The following RAPGEF5 variants were observed in gnomAD, a reference collection of about 807,000 sequenced individuals.
RAPGEF5 encodes M-Ras-regulated GEF.
A neutral mutation model predicts 125.2 loss-of-function variants in RAPGEF5; 65 were observed. The ratio of observed to expected loss-of-function variants is 0.52; its 90% CI spans 0.43 to 0.64. The LOEUF (loss-of-function observed/expected upper bound fraction) is 0.64, where lower values mean the gene tolerates loss of function less well. RAPGEF5 is among the 30% of genes least tolerant of loss of function. The pLI, the probability that RAPGEF5 is intolerant of heterozygous loss-of-function variation, is 0.00. For synonymous variants in RAPGEF5, 391 were observed against 385.9 expected, an observed-to-expected ratio of 1.01 and a Z score of -0.16; for missense variants, 958 against 1,048.1, an observed-to-expected ratio of 0.91 and a Z score of 1.19.
intron 21 of RAPGEF5, among the ~76,000 whole-genome samples, chr7:22,137,465 A>G (rs751663199): frequency 2.0e-5 from 3 of 152,218 alleles, no homozygotes; most frequent in African/African-American, 4.8e-5. Flanking sequence ...GAATCAATGA[A>G]TTGAAGAGCT....
At chr7:22,341,629 C>G (rs1416204898) in intron 1 of RAPGEF5, among the ~76,000 whole-genome samples, 1 of 152,214 alleles carries the variant, frequency 6.6e-6, no homozygotes, top group East Asian at 1.9e-4. Flanking sequence ...TGAGTAAATA[C>G]AGCCATTCCA....
In RAPGEF5 at chr7:22,157,659, T is replaced by C. The variant is rs529315185; in HGVS notation, c.1557+196A>G. ...TGTCAAAAAGCCAAGGGTACACAGC[T>C]AAAATCGGATCTGCACCAGCACAGG... On this transcript the variant is annotated intron_variant, in intron 15 of 25. Transcript: ENST00000665637. 7.9e-5 allele frequency among the ~76,000 whole-genome samples: 12 copies of C among 152,262 alleles called. No homozygotes were observed. The South Asian group carries it at 2.3e-3, about 29-fold the overall frequency.
At chr7:22,354,006 G>A (rs1475384179) in intron 1 of RAPGEF5, among the ~76,000 whole-genome samples, 1 of 152,082 alleles carries the variant, frequency 6.6e-6, no homozygotes, top group Non-Finnish European at 1.5e-5. Flanking sequence ...GAAGGTCGAG[G>A]CTATAGTGAG....
At chr7:22,241,790 A>G (rs1786338602) in intron 7 of RAPGEF5, among the ~76,000 whole-genome samples, 1 of 152,226 alleles carries the variant, frequency 6.6e-6, no homozygotes, top group South Asian at 2.1e-4. Flanking sequence ...AGAGTGGAAG[A>G]TAAGGAATAT....
At chr7:22,322,870 G>C (rs1164798475) in intron 1 of RAPGEF5, among the ~76,000 whole-genome samples, 1 of 152,182 alleles carries the variant, frequency 6.6e-6, no homozygotes, top group African/African-American at 2.4e-5. Context: ...CAGGTTTCAG[G>C]AGAACTGTAA....
chr7:22,304,231 A>C (rs1257628075), intron 5 of RAPGEF5, among the ~76,000 whole-genome samples: 2 of 152,198 alleles, frequency 1.3e-5, no homozygotes, highest in Admixed American at 1.3e-4. Context: ...ATGGTTTAAT[A>C]ATTTTATCTT....
chr7:22,176,127 C>A (rs939918885), intron 11 of RAPGEF5, among the ~76,000 whole-genome samples: 1 of 152,032 alleles, frequency 6.6e-6, no homozygotes, highest in African/African-American at 2.4e-5. Context: ...ATGGTGTGTG[C>A]GTGTCAAAGG....
At chr7:22,151,103 T>C (rs1176509534) in intron 17 of RAPGEF5, among the ~76,000 whole-genome samples, 2 of 152,220 alleles carry the variant, frequency 1.3e-5, no homozygotes, top group African/African-American at 4.8e-5. Context: ...CTGTTGAACA[T>C]TTAATGGTTA....
intron 18 of RAPGEF5, among the ~76,000 whole-genome samples, chr7:22,149,810 GA>G (rs1783561648): frequency 6.6e-6 from 1 of 152,066 alleles, no homozygotes; most frequent in African/African-American, 2.4e-5. Flanking sequence ...CGAAAAAGAA[GA>G]AATGAAATTA....
intron 6 of RAPGEF5, among the ~76,000 whole-genome samples, chr7:22,272,565 T>C (rs780522507): frequency 6.6e-6 from 1 of 152,118 alleles, no homozygotes; most frequent in East Asian, 1.9e-4. Flanking sequence ...GAAATGTTTT[T>C]AAAATACAGA....
intron 7 of RAPGEF5, among the ~76,000 whole-genome samples, chr7:22,255,000 G>A (rs1786720869): frequency 1.3e-5 from 2 of 152,072 alleles, no homozygotes; most frequent in Admixed American, 6.6e-5. Flanking sequence ...TGGGGACCCC[G>A]AGTCTAACAG....
intron 7 of RAPGEF5, among the ~76,000 whole-genome samples, chr7:22,260,958 T>C (rs923067721): frequency 1.3e-5 from 2 of 152,162 alleles, no homozygotes; most frequent in African/African-American, 4.8e-5. Flanking sequence ...ACTTCATATA[T>C]AATGGAGTAA....
At chr7:22,309,946 T>C in intron 4 of RAPGEF5, 23 bp downstream of exon 4, 1 of 1,548,920 alleles carries the variant, frequency 6.5e-7, no homozygotes. Flanking sequence ...AATGATGCTG[T>C]GCCTTCAAGA....
intron 6 of RAPGEF5, among the ~76,000 whole-genome samples, chr7:22,280,241 G>A (rs957057108): frequency 2.0e-5 from 3 of 152,174 alleles, no homozygotes; most frequent in Non-Finnish European, 2.9e-5. Context: ...CCCTGAGGCC[G>A]GATTGTAACT....
At chr7:22,329,942 A>C (rs1457488919) in intron 1 of RAPGEF5, among the ~76,000 whole-genome samples, 1 of 152,184 alleles carries the variant, frequency 6.6e-6, no homozygotes, top group Non-Finnish European at 1.5e-5. Context: ...CAGGGTCAGC[A>C]ACTTAACTCC....
At chr7:22,251,773 G>T (rs994897756) in intron 7 of RAPGEF5, among the ~76,000 whole-genome samples, 15 of 8,172 alleles carry the variant, frequency 1.8e-3, no homozygotes, top group African/African-American at 5.9e-3. Context: ...AAGTTTCATT[G>T]ACAAAAAAAA....
chr7:22,164,186 C>A (rs1784090845), intron 12 of RAPGEF5, among the ~76,000 whole-genome samples: 1 of 151,994 alleles, frequency 6.6e-6, no homozygotes, highest in Admixed American at 6.6e-5. Context: ...AAAAAATTAA[C>A]TGGGTATGGT....
intron 8 of RAPGEF5, among the ~76,000 whole-genome samples, chr7:22,221,364 C>T (rs1375849590): frequency 6.6e-6 from 1 of 152,118 alleles, no homozygotes; most frequent in Non-Finnish European, 1.5e-5. Flanking sequence ...ACTAGTTTTG[C>T]CTTTTAAAGC....
intron 1 of RAPGEF5, among the ~76,000 whole-genome samples, chr7:22,340,010 T>TA (rs989662230): frequency 7.2e-5 from 11 of 152,108 alleles, no homozygotes; most frequent in African/African-American, 2.2e-4. Context: ...TTAAATATTC[T>TA]AAAAAAAATT....
Sources: allele counts gnomAD v4.1 joint callset (sites outside exome capture counted in the v4.1 genomes callset), GRCh38; gene constraint gnomAD v4.1.1; transcripts MANE v1.5; gene names NCBI Gene and HGNC (gene_info 2026-07-23, HGNC 2026-07-21).